The following CFL2 variants were observed in gnomAD, a reference collection of about 807,000 sequenced individuals.
The protein encoded by CFL2 is cofilin-2.
CFL2 carries 10 observed loss-of-function variants against 19.6 expected under a neutral mutation model. That is an observed-to-expected ratio of 0.51 (90% CI 0.31 to 0.86). The LOEUF (loss-of-function observed/expected upper bound fraction) is 0.86, where lower values mean the gene tolerates loss of function less well. CFL2 is among the 40% of genes least tolerant of loss of function. The probability of loss-of-function intolerance (pLI) is 0.04; values close to 1 mark genes in which losing one functional copy is unlikely to be tolerated. For missense variants in CFL2, 125 were observed against 192.1 expected, an observed-to-expected ratio of 0.65 and a Z score of 2.06; for synonymous variants, 63 against 66.7, an observed-to-expected ratio of 0.95 and a Z score of 0.27.
chr14:34,714,432 C>T (rs1399216359), intron 1 of CFL2, 106 bp downstream of exon 1: 2 of 1,457,818 alleles, frequency 1.4e-6, no homozygotes, highest in Non-Finnish European at 9.1e-7. Context: ...CAGAAGCGCC[C>T]ACCTTGGAGG....
In CFL2 at chr14:34,714,459, A is replaced by G. The variant is rs1271571384; in HGVS notation, c.3+79T>C. 2.2e-5 allele frequency: 33 copies of G among 1,504,934 alleles called. No homozygotes were observed. The Admixed American group carries it at 2.9e-4, about 13-fold the overall frequency. The allele number at this position is 1,504,934 out of a possible 1,614,324, so 93.2% of individuals were successfully genotyped here. ...CCTTGGAGGCCAAAATCAGGTTAAA[A>G]TGGCGGCCTCACTCCCGGGGCCGTG... On this transcript the variant is annotated intron_variant, in intron 1 of 3. Coordinates refer to ENST00000298159, the MANE Select transcript of CFL2 (RefSeq NM_138638.5).
intron 1 of CFL2, chr14:34,713,864 G>A (rs1885405016): frequency 6.7e-7 from 1 of 1,494,680 alleles, no homozygotes; most frequent in African/African-American, 1.4e-5. Flanking sequence ...CTTCAGGAGT[G>A]GCAGCAAAAA....
At position 34,711,546 on chromosome 14, in the gene CFL2, C is replaced by A. The variant is rs1297378574; in HGVS notation, c.*1319G>T. On this transcript the variant is annotated 3_prime_UTR_variant, in exon 4 of 4. Coordinates refer to ENST00000298159, the MANE Select transcript of CFL2 (RefSeq NM_138638.5). Reference sequence around the variant, plus strand: ...AGGTGAAATGACTGTTCCGAAACATCAGAAGTATCATTAAACTTTTAAAGG... The same window carrying A: ...AGGTGAAATGACTGTTCCGAAACATAAGAAGTATCATTAAACTTTTAAAGG... 4.4e-6 allele frequency: 2 copies of A among 454,430 alleles called. No homozygotes were observed. The highest frequency in any genetic ancestry group is 8.8e-6 in the Non-Finnish European group (2 of 226,762). The allele number at this position is 454,430 out of a possible 1,614,324, so 28.1% of individuals were successfully genotyped here.
Position 34,713,131 on chromosome 14 carries a change from G to T in CFL2, c.317C>A (p.Pro106His). 6.4e-7 allele frequency: 1 copy of T among 1,568,158 alleles called. No individual in the cohort carries two copies. Reference protein sequence around the residue: ...KEDLVFIFWAPESAPLKSKMI... With the variant: ...KEDLVFIFWAHESAPLKSKMI... ...CTTGCTTTTTAAAGGTGCACTTTCA[G>T]GAGCCCTACAGAAAAAAAAAAAATT... The change falls in exon 3 of 4, where the codon CCT becomes CAT. Residue 106 changes from proline to histidine, a missense_variant. Coordinates refer to ENST00000298159, the MANE Select transcript of CFL2 (RefSeq NM_138638.5).
Position 34,710,499 on chromosome 14 carries a change from A to T in CFL2, c.*2366T>A, listed in dbSNP as rs1885246801. 2.3e-6 allele frequency: 1 copy of T among 441,160 alleles called. No homozygotes were observed. Among genetic ancestry groups the T allele is most frequent in the Admixed American group, 2.5e-5 (1 of 40,094 alleles). The allele number at this position is 441,160 out of a possible 1,614,324, so 27.3% of individuals were successfully genotyped here. ...TCTCATAACTTTGCAAGCTAGCAGT[A>T]AAATATTGCCTTCAATATTTTACTA... On this transcript the variant is annotated 3_prime_UTR_variant, in exon 4 of 4. Coordinates refer to ENST00000298159, the MANE Select transcript of CFL2 (RefSeq NM_138638.5).
chr14:34,710,494 G>A lies in CFL2; in HGVS notation c.*2371C>T, dbSNP rs967333920. The A allele has an allele frequency of 4.5e-6, 2 of 440,362 alleles. No individual in the cohort carries two copies. Among genetic ancestry groups the A allele is most frequent in the Non-Finnish European group, 9.0e-6 (2 of 221,564 alleles). 27.3% of individuals were successfully genotyped at this position (440,362 alleles called of 1,614,324 possible). On this transcript the variant is annotated 3_prime_UTR_variant, in exon 4 of 4. Coordinates refer to ENST00000298159, the MANE Select transcript of CFL2 (RefSeq NM_138638.5). ...TAAACTCTCATAACTTTGCAAGCTA[G>A]CAGTAAAATATTGCCTTCAATATTT...
In CFL2 at chr14:34,712,105, C is replaced by A; in HGVS notation, c.*760G>T. The A allele has an allele frequency of 2.2e-6, 1 of 454,476 alleles. No individual in the cohort carries two copies. The highest frequency in any genetic ancestry group is 1.6e-5 in the South Asian group (1 of 64,468). The allele number at this position is 454,476 out of a possible 1,614,324, so 28.2% of individuals were successfully genotyped here. Reference sequence around the variant, plus strand: ...ATGTTCCATTTAAGGCTCTTTTATACAGAAATTGCCATCATGACTGATATT... The same window carrying A: ...ATGTTCCATTTAAGGCTCTTTTATAAAGAAATTGCCATCATGACTGATATT... On this transcript the variant is annotated 3_prime_UTR_variant, in exon 4 of 4. Coordinates refer to ENST00000298159, the MANE Select transcript of CFL2 (RefSeq NM_138638.5).
In CFL2 at chr14:34,712,984, A is replaced by G; in HGVS notation, c.389-7T>C. 3.2e-6 allele frequency: 5 copies of G among 1,584,486 alleles called. No individual in the cohort carries two copies. Among genetic ancestry groups the G allele is most frequent in the Non-Finnish European group, 4.3e-6 (5 of 1,153,590 alleles). ...TGCCACTCATGTTTAATACCTAAAA[A>G]GAAAAAACATTATCCTATTACTTTA... is the stretch of plus-strand genomic sequence containing the variant. On this transcript the variant is annotated splice_region_variant and splice_polypyrimidine_tract_variant and intron_variant, in intron 3 of 3. Transcript: ENST00000298159.
At position 34,713,068 on chromosome 14, in the gene CFL2, T is replaced by C. The variant is rs769373531; in HGVS notation, c.380A>G (p.Lys127Arg). 4.4e-6 allele frequency: 7 copies of C among 1,584,360 alleles called. No homozygotes were observed. The highest frequency in any genetic ancestry group is 6.0e-6 in the Non-Finnish European group (7 of 1,164,508). Residue 127 changes from lysine (K) to arginine (R), a missense_variant, in exon 3 of 4, where the codon AAA (lysine) becomes AGA (arginine). By Grantham distance (26) the Lys-to-Arg change is conservative. Transcript: ENST00000298159. ...YASSKDAIKK[K>R]FTGIKHEWQV... ...AATATTCAAGTTTGTACCTGTAAATTTCTTTTTAATGGCATCTTTAGAGCT... is the reference window on the plus strand; with the variant it reads ...AATATTCAAGTTTGTACCTGTAAATCTCTTTTTAATGGCATCTTTAGAGCT...
chr14:34,711,359 C>G lies in CFL2; in HGVS notation c.*1506G>C. 2.2e-6 allele frequency: 1 copy of G among 454,484 alleles called. No homozygotes were observed. The highest frequency in any genetic ancestry group is 4.4e-6 in the Non-Finnish European group (1 of 226,790). The allele number at this position is 454,484 out of a possible 1,614,324, so 28.2% of individuals were successfully genotyped here. A position where few individuals can be genotyped will look rare whatever the true frequency, so the allele number is the denominator to read the frequency against. On this transcript the variant is annotated 3_prime_UTR_variant, in exon 4 of 4. Coordinates refer to ENST00000298159, the MANE Select transcript of CFL2 (RefSeq NM_138638.5). Reference sequence around the variant, plus strand: ...GACAAGATACAAAAGCATGTGTTTGCCATAAATAGCCCTGGCTAACAGCAA... The same window carrying G: ...GACAAGATACAAAAGCATGTGTTTGGCATAAATAGCCCTGGCTAACAGCAA...
intron 1 of CFL2, chr14:34,714,063 A>G (rs1294146006): frequency 2.5e-6 from 1 of 404,152 alleles, no homozygotes; most frequent in African/African-American, 2.0e-5. Context: ...CTCCAAAACT[A>G]ACTGATCGAG....
rs1423764984 is a variant in CFL2, at chr14:34,710,538, A to G, written c.*2327T>C. The G allele has an allele frequency of 4.5e-6, 2 of 440,636 alleles. No individual in the cohort carries two copies. The highest frequency in any genetic ancestry group is 9.0e-6 in the Non-Finnish European group (2 of 221,278). The allele number at this position is 440,636 out of a possible 1,614,324, so 27.3% of individuals were successfully genotyped here. ...AATATTTTACTAATTAGCACCGTAT[A>G]CCTTTTAAAGCTAACTGGAACATTG... On this transcript the variant is annotated 3_prime_UTR_variant, in exon 4 of 4. Transcript: ENST00000298159.
rs987330068 is a variant in CFL2, at chr14:34,712,382, C to T, written c.*483G>A. 6 of 454,488 alleles carry T rather than the reference C, an allele frequency of 1.3e-5. No individual in the cohort carries two copies. Among genetic ancestry groups the T allele is most frequent in the African/African-American group, 6.0e-5 (3 of 49,974 alleles). The allele number at this position is 454,488 out of a possible 1,614,324, so 28.2% of individuals were successfully genotyped here. A position where few individuals can be genotyped will look rare whatever the true frequency, so the allele number is the denominator to read the frequency against. ...TGCTTTTAATGCATAGTGTTATATC[C>T]GTGCTGCCATATCACTAAAATAGGC... On this transcript the variant is annotated 3_prime_UTR_variant, in exon 4 of 4. Transcript: ENST00000298159.
chr14:34,711,982 A>T lies in CFL2; in HGVS notation c.*883T>A. ...AAGTTGTTTCACATAACATTTTGCA[A>T]AATTTCCAAGGAAAACAAGGCAACG... On this transcript the variant is annotated 3_prime_UTR_variant, in exon 4 of 4. Coordinates refer to ENST00000298159, the MANE Select transcript of CFL2 (RefSeq NM_138638.5). 2.2e-6 allele frequency: 1 copy of T among 454,496 alleles called. No individual in the cohort carries two copies. Among genetic ancestry groups the T allele is most frequent in the Non-Finnish European group, 4.4e-6 (1 of 226,740 alleles). 28.2% of individuals were successfully genotyped at this position (454,496 alleles called of 1,614,324 possible). A position where few individuals can be genotyped will look rare whatever the true frequency, so the allele number is the denominator to read the frequency against.
rs762406006 is a variant in CFL2 at position 34,714,530 on chromosome 14, C to T, written c.3+8G>A. The T allele has an allele frequency of 7.5e-5, 119 of 1,585,628 alleles. No individual in the cohort carries two copies. Among genetic ancestry groups the T allele is most frequent in the Non-Finnish European group, 8.3e-5 (97 of 1,169,150 alleles). On this transcript the variant is annotated splice_region_variant and intron_variant, in intron 1 of 3. Transcript: ENST00000298159. ...GCCGCGGCCTCCCGGCCAGCGCGCT[C>T]GTCTTACCATAGTGCCCTCGGCTGT...
Position 34,711,928 on chromosome 14 carries a change from G to T in CFL2, c.*937C>A, listed in dbSNP as rs1280460477. On this transcript the variant is annotated 3_prime_UTR_variant, in exon 4 of 4. Coordinates refer to ENST00000298159, the MANE Select transcript of CFL2 (RefSeq NM_138638.5). ...AAAAAATTCTCAAATGACCAGTGCA[G>T]AGATTAGTAATAGCTGTTTTTACCC... The T allele has an allele frequency of 2.2e-6, 1 of 454,418 alleles. No homozygotes were observed. The highest frequency in any genetic ancestry group is 2.3e-5 in the Admixed American group (1 of 42,564). 28.1% of individuals were successfully genotyped at this position (454,418 alleles called of 1,614,324 possible). A position where few individuals can be genotyped will look rare whatever the true frequency, so the allele number is the denominator to read the frequency against.
At chr14:34,713,897 C>A in intron 1 of CFL2, 1 of 1,338,412 alleles carries the variant, frequency 7.5e-7, no homozygotes, top group East Asian at 2.5e-5. Context: ...TGTGTCAACT[C>A]GGCTGGCCTT....
Position 34,713,577 on chromosome 14 carries a change from G to GA in CFL2, c.4-17dup, listed in dbSNP as rs1885393455. 5 of 1,613,866 alleles carry GA rather than the reference G, an allele frequency of 3.1e-6. No individual in the cohort carries two copies. The South Asian group carries it at 5.5e-5, about 18-fold the overall frequency. ...CTCCAGAAGCCTGAAAATAAACACAGAACAGTAATTCAGAACACGTATTTT... is the reference window on the plus strand; with the variant it reads ...CTCCAGAAGCCTGAAAATAAACACAGAAACAGTAATTCAGAACACGTATTTT... On this transcript the variant is annotated splice_polypyrimidine_tract_variant and intron_variant, in intron 1 of 3. Coordinates refer to ENST00000298159, the MANE Select transcript of CFL2 (RefSeq NM_138638.5).
At chr14:34,713,922 G>C in intron 1 of CFL2, 1 of 1,035,294 alleles carries the variant, frequency 9.7e-7, no homozygotes, top group South Asian at 1.7e-5. Context: ...AAACACTTTT[G>C]GATTTCAGTT....
Sources: allele counts gnomAD v4.1 joint callset, GRCh38; gene constraint gnomAD v4.1.1; transcripts MANE v1.5; gene names NCBI Gene and HGNC (gene_info 2026-07-23, HGNC 2026-07-21).